CLEC2A: variants seen among roughly 807,000 people sequenced by gnomAD.
CLEC2A encodes C-type lectin domain family 2 member A, also known as keratinocyte-associated C-type lectin.
CLEC2A carries 19 observed loss-of-function variants against 18.6 expected under a neutral mutation model. The ratio of observed to expected loss-of-function variants is 1.02; its 90% CI spans 0.71 to 1.50. CLEC2A has a LOEUF of 1.50. Among genes scored for constraint, CLEC2A ranks in the 40% most tolerant of loss-of-function variants. The pLI is 0.00. For missense variants in CLEC2A, 190 were observed against 207.9 expected (o/e 0.91, Z 0.53); for synonymous variants, 74 against 64.0 (o/e 1.16, Z -0.75).
intron 3 of CLEC2A, among the ~76,000 whole-genome samples, chr12:9,919,850 G>C (rs116944839): frequency 0.022 from 3,371 of 152,212 alleles, 53 homozygotes; most frequent in Non-Finnish European, 0.028. Flanking sequence ...AGCTATTACC[G>C]GCCCAAGAAC....
chr12:9,908,964 C>T (rs913384088), downstream of CLEC2A, among the ~76,000 whole-genome samples: 5 of 152,238 alleles, frequency 3.3e-5, no homozygotes, highest in South Asian at 4.1e-4. Flanking sequence ...TGCTTTTCTT[C>T]GTATCTTCTC....
intron 2 of CLEC2A, among the ~76,000 whole-genome samples, chr12:9,925,892 G>A (rs1372447957): frequency 1.3e-5 from 2 of 152,094 alleles, no homozygotes; most frequent in Non-Finnish European, 2.9e-5. Flanking sequence ...TCCCTAATTC[G>A]GGAATAGTCA....
downstream of CLEC2A, among the ~76,000 whole-genome samples, chr12:9,912,887 C>T (rs1161658800): frequency 6.6e-6 from 1 of 152,026 alleles, no homozygotes; most frequent in Non-Finnish European, 1.5e-5. Context: ...AATCAAGATA[C>T]TTTTTTTTCT....
At chr12:9,897,306 CT>C (rs1862767588), downstream of CLEC2A, among the ~76,000 whole-genome samples, 1 of 152,068 alleles carries the variant, frequency 6.6e-6, no homozygotes, top group South Asian at 2.1e-4. Flanking sequence ...CCTCTACCCC[CT>C]GGAAACTAGC....
intron 4 of CLEC2A, among the ~76,000 whole-genome samples, chr12:9,901,977 C>A (rs1013981569): frequency 6.6e-6 from 1 of 152,166 alleles, no homozygotes; most frequent in African/African-American, 2.4e-5. Flanking sequence ...TTAATTTTCA[C>A]AATTCTTCCA....
At chr12:9,883,295 T>C in the CLEC2A span, among the ~76,000 whole-genome samples, 17 of 152,242 alleles carry the variant, frequency 1.1e-4, no homozygotes, top group Admixed American at 1.1e-3. Context: ...ATAATACAAT[T>C]AGTGTTCTTG....
chr12:9,919,910 G>A (rs1398818874), intron 3 of CLEC2A, among the ~76,000 whole-genome samples: 2 of 152,178 alleles, frequency 1.3e-5, no homozygotes, highest in African/African-American at 4.8e-5. Context: ...GCCCAGTGAG[G>A]AGGAATGGGA....
intron 1 of CLEC2A, among the ~76,000 whole-genome samples, chr12:9,931,317 T>C (rs983267525): frequency 3.9e-5 from 6 of 152,164 alleles, no homozygotes; most frequent in African/African-American, 1.4e-4. Flanking sequence ...TCTTATGAAG[T>C]TTTCATAGAT....
At chr12:9,904,177 A>C (rs1438912183) in intron 4 of CLEC2A, among the ~76,000 whole-genome samples, 1 of 152,220 alleles carries the variant, frequency 6.6e-6, no homozygotes, top group Non-Finnish European at 1.5e-5. Flanking sequence ...TAAAACTGGC[A>C]TCAGGAGATG....
intron 1 of CLEC2A, among the ~76,000 whole-genome samples, chr12:9,927,843 T>C (rs539161954): frequency 2.6e-5 from 4 of 152,084 alleles, no homozygotes; most frequent in African/African-American, 9.6e-5. Flanking sequence ...GTTTTTTTTT[T>C]CAAGATTAGG....
chr12:9,881,883 T>C, the CLEC2A span, among the ~76,000 whole-genome samples: 4 of 152,126 alleles, frequency 2.6e-5, no homozygotes, highest in African/African-American at 9.7e-5. Context: ...AATATGACGA[T>C]GTGTAATCCT....
rs999207930 is a variant in CLEC2A, at chr12:9,924,119, TA to T, written c.140-1888del. On this transcript the variant is annotated intron_variant, in intron 2 of 4. Transcript: ENST00000455827. ...TACCCTAGAACTTAAAGTATAATAA[TA>T]AAAAAAAGAAAAAAAGAAAAAATAA... Among the ~76,000 whole-genome samples, 10 of 151,246 alleles carry T rather than the reference TA, an allele frequency of 6.6e-5. No individual in the cohort carries two copies. The East Asian group carries it at 9.7e-4, about 15-fold the overall frequency.
chr12:9,905,964 G>GA (rs1862900694), intron 4 of CLEC2A, among the ~76,000 whole-genome samples: 1 of 151,604 alleles, frequency 6.6e-6, no homozygotes, highest in South Asian at 2.1e-4. Context: ...CTTTGAAATG[G>GA]TGTTAGTCCT....
intron 4 of CLEC2A, among the ~76,000 whole-genome samples, chr12:9,906,020 G>GTTTTTTTT (rs367651590): frequency 3.6e-5 from 3 of 83,072 alleles, no homozygotes; most frequent in African/African-American, 4.8e-5. Context: ...CCACTTATTA[G>GTTTTTTTT]TTTTGTTTTT....
At chr12:9,908,565 C>T (rs1319952507), downstream of CLEC2A, among the ~76,000 whole-genome samples, 3 of 152,084 alleles carry the variant, frequency 2.0e-5, no homozygotes, top group Non-Finnish European at 2.9e-5. Context: ...TGGGTCCCAC[C>T]TCTAAGTTTA....
chr12:9,878,128 A>AG, the CLEC2A span, among the ~76,000 whole-genome samples: 2,522 of 151,842 alleles, frequency 0.017, 66 homozygotes, highest in African/African-American at 0.057. Flanking sequence ...GAAAAAAAAA[A>AG]TGCCCATTTA....
downstream of CLEC2A, among the ~76,000 whole-genome samples, chr12:9,894,896 A>G (rs1011779113): frequency 6.6e-6 from 1 of 152,124 alleles, no homozygotes; most frequent in African/African-American, 2.4e-5. Context: ...CAGCATTACT[A>G]TAAAGGTAAA....
At chr12:9,912,119 TAGA>T (rs778822326), downstream of CLEC2A, among the ~76,000 whole-genome samples, 8 of 152,126 alleles carry the variant, frequency 5.3e-5, no homozygotes, top group Non-Finnish European at 1.0e-4. Flanking sequence ...GCTGATGGGG[TAGA>T]AGAAGGGGAT....
Position 9,926,262 on chromosome 12 carries a change from A to G in CLEC2A, c.137T>C (p.Ile46Thr). Reference sequence around the variant, plus strand: ...AGTGTATGAATTAAACCACTCACCTATCATAATAATGCAAACTGTAGTAAT... The same window carrying G: ...AGTGTATGAATTAAACCACTCACCTGTCATAATAATGCAAACTGTAGTAAT... ...IIITTVCIIM[I>T]ATWSKHAKPV... The change falls in exon 2 of 5, where the codon ATA becomes ACA. Residue 46 changes from isoleucine (I) to threonine (T), a missense_variant and splice_region_variant. By Grantham distance (89) the Ile-to-Thr change is moderately conservative (BLOSUM62 -1). Transcript: ENST00000455827. The G allele has an allele frequency of 6.5e-7, 1 of 1,526,952 alleles. No homozygotes were observed. The highest frequency in any genetic ancestry group is 1.2e-5 in the South Asian group (1 of 83,530). The allele number at this position is 1,526,952 out of a possible 1,614,324, so 94.6% of individuals were successfully genotyped here.
Sources: allele counts gnomAD v4.1 joint callset (sites outside exome capture counted in the v4.1 genomes callset), GRCh38; gene constraint gnomAD v4.1.1; transcripts MANE v1.5; gene names NCBI Gene and HGNC (gene_info 2026-07-23, HGNC 2026-07-21).